RBFOX2: variants seen among roughly 807,000 people sequenced by gnomAD.
RBFOX2 encodes the protein RNA binding fox-1 homolog 2, also known as RNA binding protein fox-1 homolog 2.
A neutral mutation model predicts 49.1 loss-of-function variants in RBFOX2; 10 were observed. The ratio of observed to expected loss-of-function variants is 0.20; its 90% CI spans 0.13 to 0.35. The LOEUF is 0.35. Ranked by LOEUF, RBFOX2 falls within the 10% of genes least tolerant of loss-of-function variation. RBFOX2 has a pLI of 1.00. For missense variants in RBFOX2, 323 were observed against 486.9 expected, an observed-to-expected ratio of 0.66 and a Z score of 3.17; for synonymous variants, 183 against 187.4, an observed-to-expected ratio of 0.98 and a Z score of 0.19.
At chr22:35,970,175 C>A (rs1441960739) in intron 1 of RBFOX2, among the ~76,000 whole-genome samples, 1 of 152,156 alleles carries the variant, frequency 6.6e-6, no homozygotes, top group Non-Finnish European at 1.5e-5. Context: ...AGAAGGGTGA[C>A]CATGTAACTT....
At chr22:35,778,940 G>A (rs1472841687) in intron 3 of RBFOX2, among the ~76,000 whole-genome samples, 2 of 152,158 alleles carry the variant, frequency 1.3e-5, no homozygotes, top group Non-Finnish European at 2.9e-5. Flanking sequence ...AATAGATTGT[G>A]AACAACTATC....
At chr22:35,826,523 T>C (rs932149630) in intron 1 of RBFOX2, among the ~76,000 whole-genome samples, 1 of 151,992 alleles carries the variant, frequency 6.6e-6, no homozygotes, top group Non-Finnish European at 1.5e-5. Flanking sequence ...AGGGGAAAAA[T>C]CACATTCTTC....
exon 12 of RBFOX2, chr22:35,740,461 T>C (rs1310284413): frequency 6.6e-6 from 1 of 152,638 alleles, no homozygotes; most frequent in Non-Finnish European, 1.5e-5. Flanking sequence ...GCCCACTATT[T>C]TTTTTTCCTA....
intron 1 of RBFOX2, among the ~76,000 whole-genome samples, chr22:35,957,027 T>C (rs1410091748): frequency 6.6e-6 from 1 of 152,150 alleles, no homozygotes; most frequent in African/African-American, 2.4e-5. Context: ...GTTTGTGGCA[T>C]AATAAGCCCA....
At chr22:35,840,625 T>TGTGTGC (rs1203212423), upstream of RBFOX2, 1 of 1,074,438 alleles carries the variant, frequency 9.3e-7, no homozygotes, top group Non-Finnish European at 1.1e-6. Flanking sequence ...CGTGTGTGCG[T>TGTGTGC]GTGTGCGTGT....
At chr22:35,850,106 G>A (rs2041734613) in intron 1 of RBFOX2, among the ~76,000 whole-genome samples, 1 of 151,924 alleles carries the variant, frequency 6.6e-6, no homozygotes, top group Non-Finnish European at 1.5e-5. Context: ...CAGAAAGGCA[G>A]ATGGGACTGG....
chr22:35,805,474 C>T (rs895301293), intron 2 of RBFOX2, among the ~76,000 whole-genome samples: 8 of 152,032 alleles, frequency 5.3e-5, no homozygotes, highest in Admixed American at 2.0e-4. Flanking sequence ...AATCCAGACA[C>T]CAAATGCTGG....
intron 1 of RBFOX2, among the ~76,000 whole-genome samples, chr22:35,952,373 T>G (rs1180547869): frequency 1.3e-5 from 2 of 152,144 alleles, no homozygotes; most frequent in Non-Finnish European, 2.9e-5. Context: ...GGACCTAGGG[T>G]AGTCTTGGAG....
intron 1 of RBFOX2, among the ~76,000 whole-genome samples, chr22:35,877,235 G>A (rs1022237514): frequency 6.6e-6 from 1 of 152,086 alleles, no homozygotes; most frequent in Non-Finnish European, 1.5e-5. Context: ...ACAGAATAGG[G>A]AAGCAAAAAG....
chr22:35,768,564 C>T (rs1941721542), intron 4 of RBFOX2, among the ~76,000 whole-genome samples: 1 of 152,086 alleles, frequency 6.6e-6, no homozygotes, highest in Non-Finnish European at 1.5e-5. Flanking sequence ...TAATAATTAA[C>T]AGCAATGTAA....
chr22:36,025,966 A>C (rs543379293), intron 1 of RBFOX2, among the ~76,000 whole-genome samples: 2 of 152,136 alleles, frequency 1.3e-5, no homozygotes, highest in South Asian at 4.2e-4. Flanking sequence ...GACCTACAAC[A>C]ATGGGAATGT....
chr22:35,830,679 T>C (rs1956622455), intron 1 of RBFOX2, among the ~76,000 whole-genome samples: 1 of 152,144 alleles, frequency 6.6e-6, no homozygotes, highest in African/African-American at 2.4e-5. Context: ...TGTCTAAATA[T>C]AGAAAAGGGA....
Position 35,772,610 on chromosome 22 carries a change from G to A in RBFOX2, c.454-4261C>T, listed in dbSNP as rs151123304. Among the ~76,000 whole-genome samples the A allele has an allele frequency of 9.6e-4, 146 of 152,202 alleles. 2 individuals carry two copies. The highest frequency in any genetic ancestry group is 4.8e-3 in the South Asian group (23 of 4,812). On this transcript the variant is annotated intron_variant, in intron 4 of 11. Coordinates refer to ENST00000405409, the Ensembl canonical transcript of RBFOX2. Reference sequence around the variant, plus strand: ...CTCCTCTAAGTTTGCAGTCCTCAGAGCCCTTCTATATTAAACATTTAAACA... The same window carrying A: ...CTCCTCTAAGTTTGCAGTCCTCAGAACCCTTCTATATTAAACATTTAAACA...
chr22:35,838,404 T>G (rs1001274349), intron 1 of RBFOX2, among the ~76,000 whole-genome samples: 3 of 151,986 alleles, frequency 2.0e-5, no homozygotes, highest in Admixed American at 6.6e-5. Flanking sequence ...GGCATTTTGT[T>G]TATGAGCAAG....
rs541167748 is a variant in RBFOX2, at chr22:35,811,432, C to A, written c.28-1428G>T. ...GGATACAGACACATACAGAGGGAGG[C>A]CCATGTGAAGACACAGAGCATGACC... On this transcript the variant is annotated intron_variant, in intron 1 of 11. Transcript: ENST00000405409. Among the ~76,000 whole-genome samples, 4 of 152,172 alleles carry A rather than the reference C, an allele frequency of 2.6e-5. No individual in the cohort carries two copies. The East Asian group carries it at 7.7e-4, about 29-fold the overall frequency.
chr22:35,844,593 C>T (rs2040928607), upstream of RBFOX2, among the ~76,000 whole-genome samples: 1 of 151,664 alleles, frequency 6.6e-6, no homozygotes, highest in Non-Finnish European at 1.5e-5. Context: ...CTCCCAGGTT[C>T]AAGCGATTCT....
chr22:35,975,611 C>A (rs1027773834), intron 1 of RBFOX2, among the ~76,000 whole-genome samples: 8 of 152,046 alleles, frequency 5.3e-5, no homozygotes, highest in African/African-American at 9.7e-5. Context: ...TAAATCCTAA[C>A]CTTGGGAGTC....
intron 1 of RBFOX2, among the ~76,000 whole-genome samples, chr22:36,009,749 T>C (rs540658801): frequency 1.3e-5 from 2 of 152,280 alleles, no homozygotes; most frequent in African/African-American, 4.8e-5. Flanking sequence ...GACAGAGGTA[T>C]TCACAGAGTA....
chr22:35,969,250 A>C (rs957899943), intron 1 of RBFOX2, among the ~76,000 whole-genome samples: 1 of 152,036 alleles, frequency 6.6e-6, no homozygotes, highest in Non-Finnish European at 1.5e-5. Flanking sequence ...AATTACCCCC[A>C]ATAAAAATTT....
Sources: gnomAD v4.1 joint callset for allele counts (sites outside exome capture counted in the v4.1 genomes callset) on GRCh38, gnomAD v4.1.1 for gene constraint, MANE v1.5 for transcripts, NCBI Gene and HGNC (gene_info 2026-07-23, HGNC 2026-07-21) for gene names.